Variants in DNAH17 observed in about 807,000 individuals in gnomAD.
The protein encoded by DNAH17 is axonemal beta dynein heavy chain 17.
Under a neutral mutation model 485.6 loss-of-function variants are expected in DNAH17, and 376 were observed. The observed-to-expected ratio is 0.77, with a 90% CI of 0.71 to 0.84. DNAH17 has a LOEUF of 0.84. DNAH17 is among the 40% of genes least tolerant of loss of function. The pLI is 0.00. For synonymous variants in DNAH17, 3,031 were observed against 2,405.9 expected, an observed-to-expected ratio of 1.26 and a Z score of -7.60; for missense variants, 6,370 against 5,839.3, an observed-to-expected ratio of 1.09 and a Z score of -2.96.
In DNAH17 at chr17:78,495,955, G is replaced by A. The variant is rs1404284815; in HGVS notation, c.5823C>T (p.Pro1941=). ...TCATGGTGATGAAGATACCGACGGTGGGAATGAGGCCTATGATCTCTCCCA... is the reference window on the plus strand; with the variant it reads ...TCATGGTGATGAAGATACCGACGGTAGGAATGAGGCCTATGATCTCTCCCA... ...NFLGEIIGLI[P]TVGIFITMNP... The change falls in exon 38 of 81, where the codon CCC becomes CCT. Residue 1941 remains proline, a synonymous_variant. Transcript: ENST00000389840. The A allele has an allele frequency of 1.9e-6, 3 of 1,613,970 alleles. No individual in the cohort carries two copies. The highest frequency in any genetic ancestry group is 2.2e-5 in the East Asian group (1 of 44,882).
chr17:78,424,160 GGACAGTATGGCTGA>G lies in DNAH17; in HGVS notation c.13142-21_13142-8del, dbSNP rs756587570. On this transcript the variant is annotated splice_polypyrimidine_tract_variant and splice_region_variant and intron_variant, in intron 80 of 80. Coordinates refer to ENST00000389840, the MANE Select transcript of DNAH17 (RefSeq NM_173628.4). The stretch of plus-strand genomic sequence containing the variant: ...TGGGTGTCCCAGCGAGCCCCTGCAG[GGACAGTATGGCTGA>G]GGGTCAGGTGTGCTGCCAGTAAGTG... 1.2e-6 allele frequency: 2 copies of G among 1,606,218 alleles called. No homozygotes were observed. The highest frequency in any genetic ancestry group is 1.7e-6 in the Non-Finnish European group (2 of 1,176,738).
chr17:78,529,546 G>A lies in DNAH17; in HGVS notation c.3433C>T (p.Pro1145Ser), dbSNP rs750044796. 3 of 1,613,814 alleles carry A rather than the reference G, an allele frequency of 1.9e-6. No individual in the cohort carries two copies. Among genetic ancestry groups the A allele is most frequent in the Admixed American group, 1.7e-5 (1 of 59,998 alleles). The stretch of plus-strand genomic sequence containing the variant: ...AGCAGCTCGATGGTTTGCTTCAGGG[G>A]CTCAAACATGTTGTCGGTGGCTGCT... ...RQAATDNMFE[P>S]LKQTIELLKT... Residue 1145 changes from proline to serine, a missense_variant, in exon 22 of 81, where the codon CCC becomes TCC. Coordinates refer to ENST00000389840, the MANE Select transcript of DNAH17 (RefSeq NM_173628.4).
At chr17:78,524,805 T>C (rs1294831981) in intron 25 of DNAH17, among the ~76,000 whole-genome samples, 1 of 152,150 alleles carries the variant, frequency 6.6e-6, no homozygotes, top group Non-Finnish European at 1.5e-5. Flanking sequence ...CCCACCCACA[T>C]ACAGAGAGAG....
Position 78,501,862 on chromosome 17 carries a change from C to T in DNAH17, c.5202G>A (p.Leu1734=), listed in dbSNP as rs754271378. 1.2e-5 allele frequency: 19 copies of T among 1,614,020 alleles called. No homozygotes were observed. Among genetic ancestry groups the T allele is most frequent in the South Asian group, 3.3e-5 (3 of 91,080 alleles). Residue 1734 remains leucine, a synonymous_variant, in exon 34 of 81, where the codon CTG becomes CTA. Transcript: ENST00000389840. ...CCATGAGCAGCGTGATGAGTACGTT[C>T]AGCTGGCTAATCTGCGGGGGAGAGT... ...RDYNKKQISQ[L]NVLITLLMGN... is the part of the protein sequence containing the mutation.
At chr17:78,427,161 C>T (rs1264367756) in intron 77 of DNAH17, 53 bp from the exon 78 acceptor site, 3 of 1,539,638 alleles carry the variant, frequency 1.9e-6, no homozygotes, top group East Asian at 2.4e-5. Context: ...CCACCCCACC[C>T]ACTGCAGGGT....
At chr17:78,459,658 A>G (rs981360427) in intron 60 of DNAH17, 126 bp downstream of exon 60, 69 of 1,002,354 alleles carry the variant, frequency 6.9e-5, no homozygotes, top group African/African-American at 9.6e-5. Context: ...TGTATGGGGA[A>G]GGGGCTGCCT....
chr17:78,537,243 CA>C, intron 19 of DNAH17, 55 bp downstream of exon 19: 1 of 1,515,528 alleles, frequency 6.6e-7, no homozygotes, highest in Non-Finnish European at 8.9e-7. Context: ...GCGGCAACAC[CA>C]AATGGGGAAA....
chr17:78,537,561 C>T (rs1009146949), intron 18 of DNAH17, 80 bp from the exon 19 acceptor site: 28 of 1,464,528 alleles, frequency 1.9e-5, no homozygotes, highest in East Asian at 2.4e-5. Flanking sequence ...TCATCCACTC[C>T]GTACCATCAA....
intron 37 of DNAH17, among the ~76,000 whole-genome samples, chr17:78,497,403 G>C (rs2090114195): frequency 6.6e-6 from 1 of 152,202 alleles, no homozygotes; most frequent in African/African-American, 2.4e-5. Flanking sequence ...TGAGCGTGCA[G>C]CTTGTCCCCT....
At chr17:78,548,208 T>G (rs1014727737) in intron 16 of DNAH17, among the ~76,000 whole-genome samples, 2 of 122,154 alleles carry the variant, frequency 1.6e-5, no homozygotes, top group African/African-American at 5.9e-5. Flanking sequence ...TGGCCTTTTT[T>G]TTTTTTTTTT....
Position 78,462,862 on chromosome 17 carries a change from C to A in DNAH17, c.9156G>T (p.Leu3052=). ...CTCCTACCTGGGAAGCCGTGCTCTG[C>A]AGCTTCATCAGGCCGTTCTCCAGCC... ...IERLENGLMK[L]QSTASQVDDL... The change falls in exon 57 of 81, where the codon CTG becomes CTT. Residue 3052 remains leucine, a synonymous_variant. Coordinates refer to ENST00000389840, the MANE Select transcript of DNAH17 (RefSeq NM_173628.4). 1.9e-6 allele frequency: 3 copies of A among 1,613,942 alleles called. No homozygotes were observed. The highest frequency in any genetic ancestry group is 1.7e-6 in the Non-Finnish European group (2 of 1,179,874).
intron 79 of DNAH17, 35 bp downstream of exon 79, chr17:78,426,422 G>C (rs2086464817): frequency 6.4e-7 from 1 of 1,559,006 alleles, no homozygotes; most frequent in African/African-American, 1.4e-5. Flanking sequence ...CGGTCCCCGA[G>C]TCTTAGGAAG....
At chr17:78,434,404 T>C (rs2086793289) in intron 74 of DNAH17, among the ~76,000 whole-genome samples, 184 bp from the exon 75 acceptor site, 1 of 152,208 alleles carries the variant, frequency 6.6e-6, no homozygotes, top group South Asian at 2.1e-4. Flanking sequence ...TGGGCTGTCA[T>C]GGCTGAGTAC....
At chr17:78,512,609 A>G (rs1268155817) in intron 26 of DNAH17, among the ~76,000 whole-genome samples, 1 of 152,136 alleles carries the variant, frequency 6.6e-6, no homozygotes, top group Non-Finnish European at 1.5e-5. Context: ...TAAATTTGCC[A>G]AGGAGTCCCA....
intron 19 of DNAH17, among the ~76,000 whole-genome samples, chr17:78,533,854 T>C (rs1029508718): frequency 6.6e-6 from 1 of 152,116 alleles, no homozygotes; most frequent in Non-Finnish European, 1.5e-5. Context: ...CTGGCTAATT[T>C]TTTGCATTTT....
intron 37 of DNAH17, 48 bp downstream of exon 37, chr17:78,498,960 G>A (rs771688337): frequency 8.3e-6 from 12 of 1,442,184 alleles, no homozygotes; most frequent in African/African-American, 1.4e-5. Flanking sequence ...GAAAGCTGAC[G>A]AGCCAGTCAC....
Position 78,459,810 on chromosome 17 carries a change from G to A in DNAH17, c.9627C>T (p.Ile3209=), listed in dbSNP as rs148334457. ...DSLKKFDKEH[I]PEACLKAFKP... is the part of the protein sequence containing the mutation. ...TGAAGGCCTTCAGGCAGGCCTCAGG[G>A]ATGTGCTCCTTGTCGAACTTCTTCA... Residue 3209 remains isoleucine (I), a synonymous_variant, in exon 60 of 81, where the codon ATC becomes ATT. Transcript: ENST00000389840. The A allele has an allele frequency of 1.2e-6, 2 of 1,614,058 alleles. No homozygotes were observed. The highest frequency in any genetic ancestry group is 1.7e-6 in the Non-Finnish European group (2 of 1,179,894).
At position 78,526,704 on chromosome 17, in the gene DNAH17, G is replaced by T. The variant is rs371227532; in HGVS notation, c.3658C>A (p.Arg1220Ser). 1.2e-6 allele frequency: 2 copies of T among 1,610,764 alleles called. No homozygotes were observed. The highest frequency in any genetic ancestry group is 1.7e-6 in the Non-Finnish European group (2 of 1,177,582). Residue 1220 changes from arginine to serine, a missense_variant, in exon 24 of 81, where the codon CGC becomes AGC. Coordinates refer to ENST00000389840, the MANE Select transcript of DNAH17 (RefSeq NM_173628.4). ...TCGCTGAAGGAGAACGGGGCCTCGC[G>T]CCTGAACCTCTCCCTGAACTCATGT... Reference protein sequence around the residue: ...KQHEFRERFRREAPFSFSDPN... With the variant: ...KQHEFRERFRSEAPFSFSDPN...
intron 51 of DNAH17, 64 bp from the exon 52 acceptor site, chr17:78,476,797 C>G: frequency 1.3e-6 from 2 of 1,557,808 alleles, no homozygotes; most frequent in African/African-American, 2.7e-5. Flanking sequence ...GAGCTGGACA[C>G]AGATGACCCT....
Sources: allele counts gnomAD v4.1 joint callset (sites outside exome capture counted in the v4.1 genomes callset), GRCh38; gene constraint gnomAD v4.1.1; transcripts MANE v1.5; gene names NCBI Gene and HGNC (gene_info 2026-07-23, HGNC 2026-07-21).